The following PEX5L variants were observed in gnomAD, a reference collection of about 807,000 sequenced individuals.
PEX5L encodes PEX5-related protein.
In PEX5L, 30 loss-of-function variants were observed where a neutral mutation model predicts 84.0. The observed-to-expected ratio is 0.36, with a 90% CI of 0.27 to 0.48. The LOEUF (loss-of-function observed/expected upper bound fraction) is 0.48. Among genes scored for constraint, PEX5L ranks in the 20% least tolerant of loss-of-function variants. The probability of loss-of-function intolerance (pLI) is 0.99; values close to 1 mark genes in which losing one functional copy is unlikely to be tolerated. For synonymous variants in PEX5L, 270 were observed against 283.1 expected (o/e 0.95, Z 0.46); for missense variants, 533 against 754.6 (o/e 0.71, Z 3.44).
intron 2 of PEX5L, among the ~76,000 whole-genome samples, chr3:179,954,473 A>T (rs1274038836): frequency 6.6e-6 from 1 of 152,196 alleles, no homozygotes; most frequent in Non-Finnish European, 1.5e-5. Flanking sequence ...ACCACAGAAG[A>T]ACTGGCAAGT....
chr3:179,916,958 C>A (rs1767375559), intron 2 of PEX5L, among the ~76,000 whole-genome samples: 1 of 151,950 alleles, frequency 6.6e-6, no homozygotes, highest in East Asian at 1.9e-4. Flanking sequence ...GAGTGAACCA[C>A]CATGCCCGAC....
At chr3:179,845,300 A>G (rs764169721) in intron 8 of PEX5L, among the ~76,000 whole-genome samples, 18 of 152,186 alleles carry the variant, frequency 1.2e-4, no homozygotes, top group Non-Finnish European at 2.4e-4. Flanking sequence ...TTATTCTCAG[A>G]TTTTACCATA....
chr3:179,879,193 G>T (rs1276658395), intron 5 of PEX5L, among the ~76,000 whole-genome samples: 1 of 152,156 alleles, frequency 6.6e-6, no homozygotes, highest in African/African-American at 2.4e-5. Context: ...TAAGATACCT[G>T]TCACTGTTCT....
chr3:179,833,193 G>A (rs1168429059), intron 8 of PEX5L, among the ~76,000 whole-genome samples: 5 of 152,132 alleles, frequency 3.3e-5, no homozygotes, highest in African/African-American at 1.2e-4. Flanking sequence ...GAGAGGAAAG[G>A]GTGAATCTAA....
chr3:179,874,885 T>C (rs1751815304), intron 6 of PEX5L, among the ~76,000 whole-genome samples: 2 of 151,508 alleles, frequency 1.3e-5, no homozygotes, highest in African/African-American at 4.8e-5. Flanking sequence ...GACACTGCCC[T>C]TTAGGAAGCT....
intron 2 of PEX5L, among the ~76,000 whole-genome samples, chr3:179,956,781 C>T (rs2110045138): frequency 6.6e-6 from 1 of 152,292 alleles, no homozygotes; most frequent in South Asian, 2.1e-4. Context: ...ACGGTGCCAT[C>T]TCCAGTGATG....
intron 8 of PEX5L, among the ~76,000 whole-genome samples, chr3:179,838,750 A>G (rs1167596106): frequency 6.6e-6 from 1 of 152,234 alleles, no homozygotes; most frequent in Non-Finnish European, 1.5e-5. Context: ...GGATGGTAGG[A>G]TAAGAGCAAA....
At chr3:179,939,080 G>T (rs573575217) in intron 2 of PEX5L, among the ~76,000 whole-genome samples, 1 of 152,298 alleles carries the variant, frequency 6.6e-6, no homozygotes, top group East Asian at 1.9e-4. Context: ...ACAAATTTAT[G>T]CCATTTGAAT....
chr3:179,823,175 T>G (rs1464941681), intron 8 of PEX5L, among the ~76,000 whole-genome samples: 1 of 152,252 alleles, frequency 6.6e-6, no homozygotes, highest in African/African-American at 2.4e-5. Context: ...AAGCTGTGCA[T>G]AGTTTGGTGT....
At chr3:179,914,925 G>C (rs542860199) in intron 2 of PEX5L, among the ~76,000 whole-genome samples, 2 of 152,098 alleles carry the variant, frequency 1.3e-5, no homozygotes, top group South Asian at 4.1e-4. Context: ...TTTAGACAGG[G>C]AGAAAGGAAA....
intron 2 of PEX5L, among the ~76,000 whole-genome samples, chr3:179,970,937 C>T (rs558847878): frequency 6.6e-6 from 1 of 152,108 alleles, no homozygotes; most frequent in African/African-American, 2.4e-5. Context: ...AGGGCTAGTA[C>T]CAATTCAGTG....
chr3:179,971,721 A>G (rs1413572395), intron 1 of PEX5L, 56 bp from the exon 2 acceptor site: 1 of 1,442,376 alleles, frequency 6.9e-7, no homozygotes, highest in Non-Finnish European at 9.3e-7. Context: ...AACAATCTTA[A>G]TTCTACTTAA....
chr3:179,859,280 A>ATT, intron 7 of PEX5L, 123 bp from the exon 8 acceptor site: 1 of 711,622 alleles, frequency 1.4e-6, no homozygotes, highest in Non-Finnish European at 2.4e-6. Context: ...GTGACTGATG[A>ATT]CATTTTTGGA....
intron 3 of PEX5L, among the ~76,000 whole-genome samples, chr3:179,893,441 T>G (rs1758228748): frequency 6.6e-6 from 1 of 152,158 alleles, no homozygotes; most frequent in Non-Finnish European, 1.5e-5. Context: ...ATGTTTATAT[T>G]GTTTGTTTTG....
chr3:179,944,822 T>A (rs1443896481), intron 2 of PEX5L, among the ~76,000 whole-genome samples: 1 of 152,188 alleles, frequency 6.6e-6, no homozygotes. Flanking sequence ...AAACTCTATC[T>A]CTACACATAC....
At chr3:179,868,631 C>T (rs1749210518) in intron 7 of PEX5L, among the ~76,000 whole-genome samples, 1 of 152,066 alleles carries the variant, frequency 6.6e-6, no homozygotes, top group Non-Finnish European at 1.5e-5. Context: ...TTCCTTTGCC[C>T]AGATCTAGGA....
At chr3:179,847,700 G>A (rs1393240730) in intron 8 of PEX5L, among the ~76,000 whole-genome samples, 9 of 151,180 alleles carry the variant, frequency 6.0e-5, no homozygotes, top group Non-Finnish European at 1.2e-4. Flanking sequence ...TTTATAAAAA[G>A]TTTTTTTTTG....
chr3:179,892,474 A>G (rs1757918329), intron 3 of PEX5L, among the ~76,000 whole-genome samples: 1 of 152,142 alleles, frequency 6.6e-6, no homozygotes. Context: ...GATCTCATCC[A>G]AGAATTTTTT....
chr3:179,900,832 C>A, intron 2 of PEX5L: 4 of 756,192 alleles, frequency 5.3e-6, no homozygotes, highest in Non-Finnish European at 9.0e-6. Flanking sequence ...ATGAGCGTCA[C>A]TGTTTTACAA....
Sources: gnomAD v4.1 joint callset for allele counts (sites outside exome capture counted in the v4.1 genomes callset) on GRCh38, gnomAD v4.1.1 for gene constraint, MANE v1.5 for transcripts, NCBI Gene and HGNC (gene_info 2026-07-23, HGNC 2026-07-21) for gene names.